Variants in CA10 observed in about 807,000 individuals in gnomAD.
CA10 encodes the protein carbonic anhydrase-related protein 10.
Under a neutral mutation model 44.2 loss-of-function variants are expected in CA10, and 14 were observed. That is an observed-to-expected ratio of 0.32 (90% CI 0.21 to 0.50). The LOEUF (loss-of-function observed/expected upper bound fraction) is 0.50, where lower values mean the gene tolerates loss of function less well. Among genes scored for constraint, CA10 ranks in the 20% least tolerant of loss-of-function variants. The pLI, the probability that CA10 is intolerant of heterozygous loss-of-function variation, is 0.99. For synonymous variants in CA10, 159 were observed against 141.6 expected (o/e 1.12, Z -0.87); for missense variants, 350 against 409.7 (o/e 0.85, Z 1.26).
At chr17:51,962,352 C>T (rs557252840) in intron 2 of CA10, among the ~76,000 whole-genome samples, 1 of 152,346 alleles carries the variant, frequency 6.6e-6, no homozygotes, top group South Asian at 2.1e-4. Flanking sequence ...TTCCTTGGTG[C>T]TGATGCATGT....
At chr17:51,760,409 C>A (rs1905187337) in intron 3 of CA10, among the ~76,000 whole-genome samples, 2 of 152,304 alleles carry the variant, frequency 1.3e-5, no homozygotes, top group South Asian at 4.2e-4. Flanking sequence ...CAGTGGTCAG[C>A]AGACAGGGTA....
At chr17:51,713,475 C>T (rs149010870) in intron 4 of CA10, among the ~76,000 whole-genome samples, 1 of 152,132 alleles carries the variant, frequency 6.6e-6, no homozygotes. Context: ...AAAATAGGGC[C>T]TGAAAAAATA....
At chr17:51,809,943 T>C (rs1907289732) in intron 3 of CA10, among the ~76,000 whole-genome samples, 1 of 152,126 alleles carries the variant, frequency 6.6e-6, no homozygotes, top group Non-Finnish European at 1.5e-5. Context: ...CTATATTTGG[T>C]TGGGGGCAAG....
At chr17:52,037,784 C>T (rs1463321715) in intron 2 of CA10, among the ~76,000 whole-genome samples, 3 of 152,082 alleles carry the variant, frequency 2.0e-5, no homozygotes, top group South Asian at 2.1e-4. Flanking sequence ...AGCCTCTGTG[C>T]CTTTGGTCAT....
At chr17:52,081,331 G>T (rs1447805888) in intron 1 of CA10, among the ~76,000 whole-genome samples, 2 of 152,148 alleles carry the variant, frequency 1.3e-5, no homozygotes, top group Non-Finnish European at 2.9e-5. Context: ...CTGAAAGTTG[G>T]CAGAAATAAG....
intron 4 of CA10, among the ~76,000 whole-genome samples, chr17:51,656,474 T>A (rs1431016117): frequency 6.6e-6 from 1 of 152,260 alleles, no homozygotes; most frequent in Non-Finnish European, 1.5e-5. Context: ...GATTCTGATA[T>A]CAGGAGCTTT....
chr17:51,638,880 C>T (rs932129931), intron 6 of CA10, among the ~76,000 whole-genome samples: 3 of 151,982 alleles, frequency 2.0e-5, no homozygotes, highest in Non-Finnish European at 2.9e-5. Context: ...CCACTGTAGA[C>T]AGAGCAATGC....
rs1567723752 is a variant in CA10, at chr17:52,072,316, T to TA, written c.136+2dup. 6.3e-7 allele frequency: 1 copy of TA among 1,593,900 alleles called. No homozygotes were observed. Among genetic ancestry groups the TA allele is most frequent in the East Asian group, 2.2e-5 (1 of 44,788 alleles). ...ATAAATTAAAGAATTAATGTGTACT[T>TA]ACCTGGAACAAAGCTTCCCTGGACC... is the stretch of plus-strand genomic sequence containing the variant. On this transcript the variant is annotated splice_region_variant and intron_variant, in intron 2 of 8. Coordinates refer to ENST00000451037, the MANE Select transcript of CA10 (RefSeq NM_020178.5).
chr17:51,700,011 G>A (rs1915537008), intron 4 of CA10, among the ~76,000 whole-genome samples: 1 of 150,868 alleles, frequency 6.6e-6, no homozygotes, highest in Admixed American at 6.6e-5. Flanking sequence ...AAGGGAGAAG[G>A]CATGCAAAGT....
intron 3 of CA10, among the ~76,000 whole-genome samples, chr17:51,822,456 AC>A (rs1907850771): frequency 6.6e-6 from 1 of 152,110 alleles, no homozygotes; most frequent in African/African-American, 2.4e-5. Flanking sequence ...AAAAAAACAA[AC>A]AAAAAACAAA....
chr17:51,831,050 T>C (rs1034480270), intron 3 of CA10, among the ~76,000 whole-genome samples: 1 of 152,186 alleles, frequency 6.6e-6, no homozygotes, highest in South Asian at 2.1e-4. Context: ...GGGGTGGCCA[T>C]GTGTGGGCAC....
intron 1 of CA10, among the ~76,000 whole-genome samples, chr17:52,073,242 T>G (rs1478327250): frequency 2.0e-5 from 3 of 152,052 alleles, no homozygotes; most frequent in Non-Finnish European, 4.4e-5. Context: ...CTGGTGGGGG[T>G]TTTTTTCCAG....
At chr17:51,816,377 G>T (rs1907565281) in intron 3 of CA10, among the ~76,000 whole-genome samples, 1 of 152,174 alleles carries the variant, frequency 6.6e-6, no homozygotes, top group Admixed American at 6.5e-5. Context: ...CAATAGATAT[G>T]GGAGTCCAGA....
intron 4 of CA10, among the ~76,000 whole-genome samples, chr17:51,660,148 G>A (rs1463149797): frequency 3.9e-5 from 6 of 152,184 alleles, no homozygotes; most frequent in Non-Finnish European, 5.9e-5. Context: ...TTCAACATGT[G>A]TTTATTGAAC....
chr17:51,931,015 A>G lies in CA10; in HGVS notation c.254T>C (p.Leu85Pro). 6.2e-7 allele frequency: 1 copy of G among 1,613,452 alleles called. No homozygotes were observed. Among genetic ancestry groups the G allele is most frequent in the Non-Finnish European group, 8.5e-7 (1 of 1,179,576 alleles). Residue 85 changes from leucine (L) to proline (P), a missense_variant, in exon 3 of 9, where the codon CTT (leucine) becomes CCT (proline). Coordinates refer to ENST00000451037, the MANE Select transcript of CA10 (RefSeq NM_020178.5). ...HMIFDPFLTP[L>P]RINTGGRKVS... ...CTTCCTGCCCCCCGTGTTGATGCGA[A>G]GAGGTGTCAGAAAGGGGTCGAAGAT...
chr17:51,734,646 G>A (rs1334512669), intron 4 of CA10, among the ~76,000 whole-genome samples: 2 of 152,068 alleles, frequency 1.3e-5, no homozygotes, highest in East Asian at 3.9e-4. Flanking sequence ...GCCATCTGGG[G>A]GCAGGGAAGG....
chr17:51,640,645 G>C (rs1379117764), intron 6 of CA10, among the ~76,000 whole-genome samples: 3 of 152,132 alleles, frequency 2.0e-5, no homozygotes, highest in Admixed American at 2.0e-4. Context: ...AGCTTGCTTT[G>C]TATGTTTGAT....
rs1390837436 is a variant in CA10 at position 51,682,750 on chromosome 17, C to T, written c.466-29014G>A. The stretch of plus-strand genomic sequence containing the variant: ...AAGCTTGTCTCCTTACCATTAATAA[C>T]CAAATGTAAGGAAATGGAAAGACGG... On this transcript the variant is annotated intron_variant, in intron 4 of 8. Transcript: ENST00000451037. Among the ~76,000 whole-genome samples the T allele has an allele frequency of 4.6e-5, 7 of 152,112 alleles. No individual in the cohort carries two copies. In the East Asian group the frequency reaches 1.2e-3, roughly 25 times the overall value.
intron 3 of CA10, 60 bp from the exon 4 acceptor site, chr17:51,747,878 C>G (rs561579719): frequency 3.1e-5 from 41 of 1,318,074 alleles, no homozygotes; most frequent in Middle Eastern, 1.9e-4. Flanking sequence ...CTCCCCAAAC[C>G]CAGCATGGTG....
Sources: allele counts gnomAD v4.1 joint callset (sites outside exome capture counted in the v4.1 genomes callset), GRCh38; gene constraint gnomAD v4.1.1; transcripts MANE v1.5; gene names NCBI Gene and HGNC (gene_info 2026-07-23, HGNC 2026-07-21).